LPP: variants seen among roughly 807,000 people sequenced by gnomAD.
The protein encoded by LPP is LIM domain containing preferred translocation partner in lipoma.
Under a neutral mutation model 60.4 loss-of-function variants are expected in LPP, and 38 were observed. The observed-to-expected ratio is 0.63, with a 90% CI of 0.49 to 0.83. LPP has a LOEUF of 0.83. Among genes scored for constraint, LPP ranks in the 40% least tolerant of loss-of-function variants. The probability of loss-of-function intolerance (pLI) is 0.00; values close to 1 mark genes in which losing one functional copy is unlikely to be tolerated. For missense variants in LPP, 902 were observed against 783.6 expected (o/e 1.15, Z -1.80); for synonymous variants, 328 against 290.8 (o/e 1.13, Z -1.30).
chr3:188,534,912 G>A (rs1823156449), intron 6 of LPP, among the ~76,000 whole-genome samples: 1 of 151,966 alleles, frequency 6.6e-6, no homozygotes, highest in African/African-American at 2.4e-5. Context: ...TTCACACTAT[G>A]GAAAAATTAC....
chr3:188,637,485 C>T (rs1172284011), intron 7 of LPP, among the ~76,000 whole-genome samples: 1 of 150,662 alleles, frequency 6.6e-6, no homozygotes, highest in African/African-American at 2.4e-5. Flanking sequence ...CATTCAAAAG[C>T]TAGCAGAAGG....
chr3:188,584,039 T>C (rs1169928140), intron 6 of LPP, among the ~76,000 whole-genome samples: 4 of 152,164 alleles, frequency 2.6e-5, no homozygotes, highest in East Asian at 1.9e-4. Context: ...ACTATAGATA[T>C]GTGTAAGTAC....
intron 9 of LPP, among the ~76,000 whole-genome samples, chr3:188,779,714 T>C (rs1577496489): frequency 1.3e-5 from 2 of 152,276 alleles, no homozygotes; most frequent in Non-Finnish European, 2.9e-5. Context: ...AGCTTTTCCT[T>C]GTGTTGAAAT....
chr3:188,720,344 C>G (rs1348264877), intron 8 of LPP, among the ~76,000 whole-genome samples: 1 of 152,128 alleles, frequency 6.6e-6, no homozygotes, highest in Non-Finnish European at 1.5e-5. Context: ...AAGCATTTGT[C>G]AAATCCTCTA....
At chr3:188,451,670 G>A (rs1796617383) in intron 4 of LPP, among the ~76,000 whole-genome samples, 1 of 152,114 alleles carries the variant, frequency 6.6e-6, no homozygotes, top group African/African-American at 2.4e-5. Flanking sequence ...AAGAGCTCTG[G>A]TATATAACGG....
chr3:188,259,257 G>C (rs1464163293), intron 2 of LPP, among the ~76,000 whole-genome samples: 1 of 152,170 alleles, frequency 6.6e-6, no homozygotes, highest in Non-Finnish European at 1.5e-5. Flanking sequence ...TGCATCCAGA[G>C]ACATTTGCCT....
intron 6 of LPP, among the ~76,000 whole-genome samples, chr3:188,578,049 C>G (rs917958756): frequency 2.2e-4 from 33 of 151,986 alleles, no homozygotes; most frequent in African/African-American, 7.5e-4. Flanking sequence ...ATGGCTTGTC[C>G]TTGTCTCTGT....
chr3:188,450,996 C>T (rs1196385851), intron 4 of LPP, among the ~76,000 whole-genome samples: 2 of 151,910 alleles, frequency 1.3e-5, no homozygotes, highest in Admixed American at 1.3e-4. Context: ...GGGGAGGGTG[C>T]TTGATCATAG....
chr3:188,163,728 G>A (rs1321855987), intron 1 of LPP, among the ~76,000 whole-genome samples: 1 of 150,812 alleles, frequency 6.6e-6, no homozygotes, highest in Non-Finnish European at 1.5e-5. Context: ...GATCACGTGA[G>A]GTCAGGAGTT....
At chr3:188,537,322 A>T (rs542788758) in intron 6 of LPP, among the ~76,000 whole-genome samples, 2 of 151,976 alleles carry the variant, frequency 1.3e-5, no homozygotes, top group South Asian at 4.1e-4. Context: ...AGCATTATTG[A>T]TCGTATCACA....
chr3:188,537,130 A>C (rs1823847971), intron 6 of LPP, among the ~76,000 whole-genome samples: 1 of 152,212 alleles, frequency 6.6e-6, no homozygotes, highest in Admixed American at 6.5e-5. Flanking sequence ...AGCATAGCTA[A>C]AATTATGATG....
chr3:188,441,251 T>A (rs1793752750), intron 4 of LPP, among the ~76,000 whole-genome samples: 1 of 152,152 alleles, frequency 6.6e-6, no homozygotes, highest in Non-Finnish European at 1.5e-5. Flanking sequence ...CAAGGACTGA[T>A]TCCAGATTCT....
rs55728018 is a variant in LPP, at chr3:188,613,903, T to TTTTATTTATTTATTTA, written c.1113+4083_1113+4098dup. 1.0e-3 allele frequency among the ~76,000 whole-genome samples: 145 copies of TTTTATTTATTTATTTA among 142,624 alleles called. 1 individual carries two copies. The highest frequency in any genetic ancestry group is 1.2e-3 in the East Asian group (6 of 5,034). The allele number at this position is 142,624 out of a possible 152,430, so 93.6% of individuals were successfully genotyped here. On this transcript the variant is annotated intron_variant, in intron 7 of 11. Transcript: ENST00000617246. ...AGTAGTATGAGAATATTTAAATTAATTTTATTTATTTATTTATTTATTTAT... is the reference window on the plus strand; with the variant it reads ...AGTAGTATGAGAATATTTAAATTAATTTTATTTATTTATTTATTTATTTATTTATTTATTTATTTAT...
At chr3:188,425,917 TG>T (rs1789193546) in intron 4 of LPP, among the ~76,000 whole-genome samples, 1 of 152,146 alleles carries the variant, frequency 6.6e-6, no homozygotes, top group Admixed American at 6.5e-5. Flanking sequence ...ATTCATCGAT[TG>T]TTTTGAAGGG....
At position 188,537,942 on chromosome 3, in the gene LPP, T is replaced by C. The variant is rs1478562083; in HGVS notation, c.429+13155T>C. 2.0e-5 allele frequency among the ~76,000 whole-genome samples: 3 copies of C among 152,156 alleles called. No homozygotes were observed. The East Asian group carries it at 5.8e-4, about 29-fold the overall frequency. On this transcript the variant is annotated intron_variant, in intron 6 of 11. Coordinates refer to ENST00000617246, the MANE Select transcript of LPP (RefSeq NM_001375462.1). Reference sequence around the variant, plus strand: ...TTGAGAGTCCAGAAATAAACCATTATGTTTATGGACAATTGATTTTCAACA... The same window carrying C: ...TTGAGAGTCCAGAAATAAACCATTACGTTTATGGACAATTGATTTTCAACA...
chr3:188,527,028 A>G (rs1367393223), intron 6 of LPP, among the ~76,000 whole-genome samples: 1 of 152,176 alleles, frequency 6.6e-6, no homozygotes, highest in East Asian at 1.9e-4. Flanking sequence ...TCGAGACAGC[A>G]GCAGGGAGTA....
chr3:188,472,375 G>A (rs1192514008), intron 4 of LPP, among the ~76,000 whole-genome samples: 1 of 151,880 alleles, frequency 6.6e-6, no homozygotes, highest in Non-Finnish European at 1.5e-5. Flanking sequence ...GTCAGCTCCA[G>A]TATTCCTTTG....
At chr3:188,251,596 C>T (rs1408641022) in intron 2 of LPP, among the ~76,000 whole-genome samples, 2 of 151,970 alleles carry the variant, frequency 1.3e-5, no homozygotes, top group East Asian at 1.9e-4. Flanking sequence ...TACACAAATA[C>T]TACTACTATT....
intron 1 of LPP, among the ~76,000 whole-genome samples, chr3:188,171,691 A>G (rs1480340588): frequency 6.6e-6 from 1 of 152,180 alleles, no homozygotes; most frequent in African/African-American, 2.4e-5. Flanking sequence ...TCTTTTTGAC[A>G]CTTAGTGGAA....
Sources: gnomAD v4.1 joint callset for allele counts (sites outside exome capture counted in the v4.1 genomes callset) on GRCh38, gnomAD v4.1.1 for gene constraint, MANE v1.5 for transcripts, NCBI Gene and HGNC (gene_info 2026-07-23, HGNC 2026-07-21) for gene names.